ANKFN1: variants seen among roughly 807,000 people sequenced by gnomAD.
The protein encoded by ANKFN1 is ankyrin repeat and fibronectin type III domain containing 1.
Under a neutral mutation model 108.7 loss-of-function variants are expected in ANKFN1, and 74 were observed. That is an observed-to-expected ratio of 0.68 (90% CI 0.56 to 0.83). ANKFN1 has a LOEUF of 0.83. Ranked by LOEUF, ANKFN1 falls within the 40% of genes least tolerant of loss-of-function variation. ANKFN1 has a pLI of 0.00. For missense variants in ANKFN1, 1,505 were observed against 1,382.3 expected (o/e 1.09, Z -1.41); for synonymous variants, 547 against 516.2 (o/e 1.06, Z -0.81).
At chr17:56,432,506 G>A (rs1225016247) in intron 8 of ANKFN1, among the ~76,000 whole-genome samples, 4 of 152,164 alleles carry the variant, frequency 2.6e-5, no homozygotes, top group South Asian at 2.1e-4. Context: ...CGGGAGTAGC[G>A]CCCTGGTATG....
At chr17:56,229,459 G>A (rs1467509389) in intron 3 of ANKFN1, among the ~76,000 whole-genome samples, 8 of 151,744 alleles carry the variant, frequency 5.3e-5, no homozygotes, top group African/African-American at 2.4e-5. Flanking sequence ...TACTGTTACT[G>A]CCTATTTAGG....
At chr17:56,070,817 C>A (rs955775946) in intron 4 of ANKFN1, among the ~76,000 whole-genome samples, 4 of 151,848 alleles carry the variant, frequency 2.6e-5, no homozygotes, top group African/African-American at 9.7e-5. Flanking sequence ...TCACTGCAAC[C>A]TCCACCTCCC....
At chr17:56,362,842 G>A (rs924179842) in intron 6 of ANKFN1, among the ~76,000 whole-genome samples, 20 of 152,292 alleles carry the variant, frequency 1.3e-4, no homozygotes, top group Admixed American at 1.1e-3. Context: ...TTTGCAACCC[G>A]TACATCCAAT....
intron 3 of ANKFN1, among the ~76,000 whole-genome samples, chr17:56,309,643 C>T (rs1209321554): frequency 6.6e-6 from 1 of 151,978 alleles, no homozygotes; most frequent in African/African-American, 2.4e-5. Flanking sequence ...GGGATACATC[C>T]CAAAACCCCC....
chr17:56,079,188 G>A (rs1905216059), intron 4 of ANKFN1, among the ~76,000 whole-genome samples: 1 of 152,190 alleles, frequency 6.6e-6, no homozygotes, highest in African/African-American at 2.4e-5. Context: ...CTGCCCCCGA[G>A]GAGGCCTTTC....
chr17:56,177,554 A>T (rs575579170), intron 1 of ANKFN1, among the ~76,000 whole-genome samples: 2 of 152,190 alleles, frequency 1.3e-5, no homozygotes, highest in Non-Finnish European at 2.9e-5. Context: ...GCTTTGGCTG[A>T]TGCTCAAGCC....
chr17:56,170,793 T>TACACACACAC, intron 1 of ANKFN1, among the ~76,000 whole-genome samples: 1 of 62,940 alleles, frequency 1.6e-5, no homozygotes, highest in Non-Finnish European at 3.7e-5. Flanking sequence ...TATATATATA[T>TACACACACAC]ATATATATAT....
intron 6 of ANKFN1, among the ~76,000 whole-genome samples, chr17:56,367,491 C>A (rs1057031328): frequency 2.4e-4 from 37 of 152,158 alleles, no homozygotes; most frequent in African/African-American, 8.9e-4. Context: ...GGTCTTATAA[C>A]AAATGCCCAC....
rs2051812694 is a variant in ANKFN1, at chr17:56,512,794, A to C, written c.*1525A>C. Among the ~76,000 whole-genome samples the C allele has an allele frequency of 6.6e-6, 1 of 152,232 alleles. No individual in the cohort carries two copies. The highest frequency in any genetic ancestry group is 2.4e-5 in the African/African-American group (1 of 41,452). ...TTTTAAAAACATTTGATTTAAACAT[A>C]AATAATTACCCTGCTGCAAAGGTAC... On this transcript the variant is annotated 3_prime_UTR_variant, in exon 21 of 21. Coordinates refer to ENST00000682825, the MANE Select transcript of ANKFN1 (RefSeq NM_001370326.1).
chr17:56,500,797 C>A (rs2051344472), intron 20 of ANKFN1, among the ~76,000 whole-genome samples: 1 of 152,176 alleles, frequency 6.6e-6, no homozygotes, highest in African/African-American at 2.4e-5. Context: ...ACTGGCCACC[C>A]TCTATGTGCC....
At chr17:56,129,063 A>G (rs1275967024) in intron 4 of ANKFN1, among the ~76,000 whole-genome samples, 1 of 152,244 alleles carries the variant, frequency 6.6e-6, no homozygotes, top group Non-Finnish European at 1.5e-5. Context: ...ACTGCTTTTT[A>G]TAAAGAAGCA....
chr17:56,320,726 C>T (rs755216443), intron 3 of ANKFN1, among the ~76,000 whole-genome samples: 23 of 152,050 alleles, frequency 1.5e-4, no homozygotes, highest in Non-Finnish European at 2.9e-4. Flanking sequence ...GCTGAGAGGA[C>T]GGATGAAGCT....
intron 1 of ANKFN1, among the ~76,000 whole-genome samples, chr17:56,167,304 TAC>T (rs747754835): frequency 2.3e-3 from 223 of 95,892 alleles, no homozygotes; most frequent in African/African-American, 7.2e-3. Flanking sequence ...CATACATATA[TAC>T]ACACACACAC....
intron 4 of ANKFN1, among the ~76,000 whole-genome samples, chr17:56,107,141 A>G (rs929917885): frequency 2.6e-5 from 4 of 152,192 alleles, no homozygotes; most frequent in African/African-American, 9.7e-5. Flanking sequence ...CACAGAAGCC[A>G]TGGCAGGGGG....
chr17:56,391,816 C>T (rs2047447523), intron 8 of ANKFN1, among the ~76,000 whole-genome samples: 2 of 152,130 alleles, frequency 1.3e-5, no homozygotes, highest in Admixed American at 1.3e-4. Context: ...CTATCCCTCC[C>T]ACCAGGCTGT....
intron 19 of ANKFN1, among the ~76,000 whole-genome samples, chr17:56,494,803 G>T (rs2051146791): frequency 6.6e-6 from 1 of 152,084 alleles, no homozygotes; most frequent in East Asian, 1.9e-4. Flanking sequence ...CTTAGGTTCT[G>T]TTTCTGCCTT....
intron 4 of ANKFN1, among the ~76,000 whole-genome samples, chr17:56,048,390 C>T (rs1475501868): frequency 6.6e-6 from 1 of 152,118 alleles, no homozygotes; most frequent in African/African-American, 2.4e-5. Context: ...CCAGACTCTT[C>T]TCTGAAACGT....
At chr17:56,345,240 G>A (rs1184400011) in intron 4 of ANKFN1, among the ~76,000 whole-genome samples, 1 of 152,092 alleles carries the variant, frequency 6.6e-6, no homozygotes, top group African/African-American at 2.4e-5. Flanking sequence ...TTTTATGGCT[G>A]CGTAGTATTC....
intron 3 of ANKFN1, among the ~76,000 whole-genome samples, chr17:56,237,621 G>A (rs1487515788): frequency 1.3e-5 from 2 of 151,806 alleles, no homozygotes; most frequent in Non-Finnish European, 2.9e-5. Context: ...TGGGGTCAGT[G>A]GTAACATCCT....
Sources: gnomAD v4.1 joint callset for allele counts (sites outside exome capture counted in the v4.1 genomes callset) on GRCh38, gnomAD v4.1.1 for gene constraint, MANE v1.5 for transcripts, NCBI Gene and HGNC (gene_info 2026-07-23, HGNC 2026-07-21) for gene names.